The following SLC25A21 variants were observed in gnomAD, a reference collection of about 807,000 sequenced individuals.
SLC25A21 encodes the protein mitochondrial 2-oxodicarboxylate carrier.
SLC25A21 carries 47 observed loss-of-function variants against 43.8 expected under a neutral mutation model. The observed-to-expected ratio is 1.07, with a 90% CI of 0.85 to 1.37. The LOEUF is 1.37. Among genes scored for constraint, SLC25A21 ranks in the 40% most tolerant of loss-of-function variants. SLC25A21 has a pLI of 0.00. For missense variants in SLC25A21, 352 were observed against 350.2 expected, an observed-to-expected ratio of 1.00 and a Z score of -0.04; for synonymous variants, 131 against 121.3, an observed-to-expected ratio of 1.08 and a Z score of -0.52.
At chr14:36,980,385 A>G (rs1959991429) in intron 1 of SLC25A21, among the ~76,000 whole-genome samples, 1 of 152,192 alleles carries the variant, frequency 6.6e-6, no homozygotes, top group African/African-American at 2.4e-5. Flanking sequence ...AGGTACACCA[A>G]TCAGATGTAG....
chr14:36,954,073 G>A (rs941124471), intron 1 of SLC25A21, among the ~76,000 whole-genome samples: 5 of 152,096 alleles, frequency 3.3e-5, no homozygotes, highest in African/African-American at 1.2e-4. Flanking sequence ...TCATACTGGT[G>A]GCCACAACCA....
chr14:37,099,818 T>C (rs995756348), intron 1 of SLC25A21, among the ~76,000 whole-genome samples: 4 of 152,134 alleles, frequency 2.6e-5, no homozygotes, highest in Admixed American at 2.6e-4. Flanking sequence ...AGAGAGTAAG[T>C]GATTTTCCTA....
chr14:37,022,368 CT>C (rs571642066), intron 1 of SLC25A21, among the ~76,000 whole-genome samples: 2 of 151,980 alleles, frequency 1.3e-5, no homozygotes, highest in South Asian at 4.2e-4. Context: ...TCAAATTAAG[CT>C]GTTACTGAAA....
rs199498479 is a variant in SLC25A21, at chr14:37,090,482, A to G, written c.70+81799T>C. On this transcript the variant is annotated intron_variant, in intron 1 of 9. Coordinates refer to ENST00000331299, the MANE Select transcript of SLC25A21 (RefSeq NM_030631.4). ...TGGTTTGGGGACAATAAAGGATATG[A>G]AGGTGACAAGACTGTGGATGTCAAC... Among the ~76,000 whole-genome samples the G allele has an allele frequency of 1.8e-4, 28 of 152,322 alleles. No individual in the cohort carries two copies. The East Asian group carries it at 5.0e-3, about 27-fold the overall frequency.
chr14:37,117,544 T>C (rs1963127511), intron 1 of SLC25A21, among the ~76,000 whole-genome samples: 1 of 152,180 alleles, frequency 6.6e-6, no homozygotes, highest in Non-Finnish European at 1.5e-5. Context: ...GAAATGAGAA[T>C]AAGTAATTTA....
intron 2 of SLC25A21, among the ~76,000 whole-genome samples, chr14:36,861,271 T>C (rs1324412207): frequency 6.6e-6 from 1 of 152,236 alleles, no homozygotes; most frequent in East Asian, 1.9e-4. Flanking sequence ...AAGAAACTTA[T>C]GATTTTACTC....
At chr14:36,785,232 A>G (rs1407390323) in intron 3 of SLC25A21, among the ~76,000 whole-genome samples, 1 of 152,198 alleles carries the variant, frequency 6.6e-6, no homozygotes, top group Non-Finnish European at 1.5e-5. Context: ...AGTGAACCAC[A>G]TGCTCTTCAA....
intron 3 of SLC25A21, among the ~76,000 whole-genome samples, chr14:36,779,616 A>G (rs1594581059): frequency 4.0e-5 from 1 of 25,166 alleles, no homozygotes; most frequent in Admixed American, 5.6e-4. Flanking sequence ...ATACATATAT[A>G]TATATATATA....
At chr14:36,732,798 T>C (rs1308986888) in intron 4 of SLC25A21, among the ~76,000 whole-genome samples, 1 of 152,208 alleles carries the variant, frequency 6.6e-6, no homozygotes, top group Non-Finnish European at 1.5e-5. Flanking sequence ...TTTTCATAAA[T>C]TGTGTTGAAA....
intron 1 of SLC25A21, among the ~76,000 whole-genome samples, chr14:36,984,667 A>C (rs149082708): frequency 0.012 from 1,791 of 152,122 alleles, 29 homozygotes; most frequent in African/African-American, 0.038. Flanking sequence ...ATTTTTAAAA[A>C]TTGTGATGAC....
At chr14:37,037,730 G>A (rs570774797) in intron 1 of SLC25A21, among the ~76,000 whole-genome samples, 104 of 152,136 alleles carry the variant, frequency 6.8e-4, no homozygotes, top group Admixed American at 1.0e-3. Flanking sequence ...TTAGTCTCTT[G>A]CTTGTACCTC....
chr14:36,912,917 T>A (rs60058342), intron 1 of SLC25A21, among the ~76,000 whole-genome samples: 1 of 152,150 alleles, frequency 6.6e-6, no homozygotes, highest in Non-Finnish European at 1.5e-5. Context: ...ATAAGAAATA[T>A]TTTATCTATG....
intron 2 of SLC25A21, among the ~76,000 whole-genome samples, chr14:36,818,628 C>CTTGCAGTATTTGG (rs1022209066): frequency 6.6e-6 from 1 of 152,208 alleles, no homozygotes; most frequent in Non-Finnish European, 1.5e-5. Context: ...AGAGAAAGTA[C>CTTGCAGTATTTGG]TTGCAGTATT....
In SLC25A21 at chr14:36,680,720, C is replaced by T; in HGVS notation, c.839-1G>A. ...TAAACCAGCAGCATCACTGCACCACCTAGAAAAGAAAAGAGCTGTTTTTTA... is the reference window on the plus strand; with the variant it reads ...TAAACCAGCAGCATCACTGCACCACTTAGAAAAGAAAAGAGCTGTTTTTTA... On this transcript the variant is annotated splice_acceptor_variant, in intron 9 of 9. Transcript: ENST00000331299. LOFTEE classifies it high-confidence loss of function. The T allele has an allele frequency of 6.2e-7, 1 of 1,611,580 alleles. No individual in the cohort carries two copies. Among genetic ancestry groups the T allele is most frequent in the Non-Finnish European group, 8.5e-7 (1 of 1,179,182 alleles).
chr14:37,091,163 G>T (rs1031840481), intron 1 of SLC25A21, among the ~76,000 whole-genome samples: 4 of 152,198 alleles, frequency 2.6e-5, no homozygotes, highest in African/African-American at 9.6e-5. Flanking sequence ...GGCCGGGTGC[G>T]GTGGCTCATA....
At chr14:36,774,110 A>C (rs1278113317) in intron 3 of SLC25A21, among the ~76,000 whole-genome samples, 1 of 152,198 alleles carries the variant, frequency 6.6e-6, no homozygotes, top group East Asian at 1.9e-4. Context: ...CCCCAATAGC[A>C]CGTCCCCTTT....
At chr14:37,164,460 C>A (rs1030836094) in intron 1 of SLC25A21, among the ~76,000 whole-genome samples, 1 of 152,112 alleles carries the variant, frequency 6.6e-6, no homozygotes, top group African/African-American at 2.4e-5. Flanking sequence ...CAAACAATTA[C>A]AGTTTCCCAA....
intron 3 of SLC25A21, among the ~76,000 whole-genome samples, chr14:36,810,220 A>T (rs1628408): frequency 0.36 from 55,371 of 152,006 alleles, 10,820 homozygotes; most frequent in East Asian, 0.69. Flanking sequence ...CATACAGTAT[A>T]GAAAAAGGCC....
In SLC25A21 at chr14:37,047,543, G is replaced by C. The variant is rs28659794; in HGVS notation, c.70+124738C>G. 8.1e-3 allele frequency among the ~76,000 whole-genome samples: 1,227 copies of C among 152,272 alleles called. 12 individuals are homozygous for C. The highest frequency in any genetic ancestry group is 0.028 in the African/African-American group (1,181 of 41,530). ...CCCAAACCCAGATGGTAATGCAAAA[G>C]TAATTAAGTAAATGCTGAGTAATTC... On this transcript the variant is annotated intron_variant, in intron 1 of 9. Coordinates refer to ENST00000331299, the MANE Select transcript of SLC25A21 (RefSeq NM_030631.4).
Sources: gnomAD v4.1 joint callset for allele counts (sites outside exome capture counted in the v4.1 genomes callset) on GRCh38, gnomAD v4.1.1 for gene constraint, MANE v1.5 for transcripts, NCBI Gene and HGNC (gene_info 2026-07-23, HGNC 2026-07-21) for gene names.